Variants in HPD observed in about 807,000 individuals in gnomAD.
HPD encodes the protein 4-hydroxyphenylpyruvate dioxygenase, also known as 4-hydroxyphenylpyruvic acid oxidase.
HPD carries 35 observed loss-of-function variants against 56.9 expected under a neutral mutation model. The observed-to-expected ratio is 0.62, with a 90% confidence interval of 0.47 to 0.82. The LOEUF (loss-of-function observed/expected upper bound fraction) is 0.82. Ranked by LOEUF, HPD falls within the 40% of genes least tolerant of loss-of-function variation. HPD has a pLI of 0.00. For missense variants in HPD, 442 were observed against 506.8 expected (o/e 0.87, Z 1.23); for synonymous variants, 186 against 200.2 (o/e 0.93, Z 0.60).
chr12:121,846,452 G>A (rs915812446), intron 11 of HPD, among the ~76,000 whole-genome samples: 1 of 152,000 alleles, frequency 6.6e-6, no homozygotes, highest in Non-Finnish European at 1.5e-5. Context: ...CCTGACCTCA[G>A]GTGATCCCCC....
the HPD span, among the ~76,000 whole-genome samples, chr12:121,873,280 T>G: frequency 0.016 from 2,429 of 152,284 alleles, 24 homozygotes; most frequent in Non-Finnish European, 0.026. Flanking sequence ...GGCTGTCACC[T>G]CCTATCGGAT....
intron 3 of HPD, 57 bp downstream of exon 3, chr12:121,857,700 T>A: frequency 7.0e-7 from 1 of 1,438,144 alleles, no homozygotes; most frequent in Non-Finnish European, 9.8e-7. Context: ...CCTGCCCTTG[T>A]CAGGCAGCCC....
intron 5 of HPD, 24 bp downstream of exon 5, chr12:121,856,559 G>T: frequency 1.2e-6 from 2 of 1,613,396 alleles, no homozygotes; most frequent in Non-Finnish European, 1.7e-6. Context: ...AGAGCCATGC[G>T]TCCACCCTCC....
the HPD span, among the ~76,000 whole-genome samples, chr12:121,883,389 G>A: frequency 1.4e-4 from 22 of 152,056 alleles, no homozygotes; most frequent in South Asian, 2.1e-3. Flanking sequence ...GTTAAAGTGC[G>A]CAACCTGAGA....
chr12:121,842,867 C>T (rs1006571942), intron 12 of HPD, among the ~76,000 whole-genome samples: 16 of 151,280 alleles, frequency 1.1e-4, no homozygotes, highest in Non-Finnish European at 2.1e-4. Context: ...CCTGCCTCAG[C>T]CTCCTGAGTA....
rs540373489 is a variant in HPD at position 121,839,598 on chromosome 12, G to A, written c.*130C>T. The A allele has an allele frequency of 6.9e-6, 5 of 723,140 alleles. No individual in the cohort carries two copies. Among genetic ancestry groups the A allele is most frequent in the South Asian group, 6.0e-5 (4 of 66,202 alleles). The allele number at this position is 723,140 out of a possible 1,614,324, so 44.8% of individuals were successfully genotyped here. Reference sequence around the variant, plus strand: ...CCCCGCCGAGGGGCGTGGTCAGTGTGGGCGGAGCCTTGGGGGCCGAGTCCG... The same window carrying A: ...CCCCGCCGAGGGGCGTGGTCAGTGTAGGCGGAGCCTTGGGGGCCGAGTCCG... On this transcript the variant is annotated 3_prime_UTR_variant, in exon 14 of 14. Coordinates refer to ENST00000289004, the MANE Select transcript of HPD (RefSeq NM_002150.3).
chr12:121,885,828 G>T, the HPD span, among the ~76,000 whole-genome samples: 1 of 151,730 alleles, frequency 6.6e-6, no homozygotes, highest in Admixed American at 6.6e-5. Context: ...AGCCGAGCAT[G>T]GTGGCATACG....
At position 121,840,045 on chromosome 12, in the gene HPD, G is replaced by T; in HGVS notation, c.958C>A (p.Leu320Met). The change falls in exon 13 of 14, where the codon CTG becomes ATG. Residue 320 changes from leucine (L) to methionine (M), a missense_variant. Physicochemically the swap from Leu to Met is conservative, Grantham distance 15. Transcript: ENST00000289004. The part of the protein sequence containing the change: ...VKENIDALEE[L>M]KILVDYDEKG... ...TCGTCGTAGTCCACCAGGATTTTCA[G>T]CTCCTAGGCGGGAGACAGGGGGCTC... 1 of 1,608,888 alleles carries T rather than the reference G, an allele frequency of 6.2e-7. No homozygotes were observed. The highest frequency in any genetic ancestry group is 8.5e-7 in the Non-Finnish European group (1 of 1,175,310).
the HPD span, among the ~76,000 whole-genome samples, chr12:121,878,666 G>A: frequency 2.0e-5 from 3 of 148,520 alleles, no homozygotes; most frequent in Non-Finnish European, 4.5e-5. Flanking sequence ...ATGTGTTTTG[G>A]TTTTTCGTTC....
At chr12:121,848,436 C>G (rs182157904) in intron 9 of HPD, among the ~76,000 whole-genome samples, 2,756 of 151,960 alleles carry the variant, frequency 0.018, 84 homozygotes, top group African/African-American at 0.063. Flanking sequence ...CTCAGCTTCC[C>G]AAGTAGCTGG....
chr12:121,860,185 A>C (rs1878138169), upstream of HPD, among the ~76,000 whole-genome samples: 2 of 152,194 alleles, frequency 1.3e-5, no homozygotes, highest in Admixed American at 1.3e-4. Context: ...TCCAACTGGG[A>C]AAACTTGAGT....
In HPD at chr12:121,839,988, G is replaced by C; in HGVS notation, c.1015C>G (p.Pro339Ala). 6.2e-7 allele frequency: 1 copy of C among 1,613,998 alleles called. No individual in the cohort carries two copies. The highest frequency in any genetic ancestry group is 8.5e-7 in the Non-Finnish European group (1 of 1,179,972). ...AAGAGCGTGGGCCGGTCCTGCACCGGTTTGGTGAAGATCTGCAGGAGGTAG... is the reference window on the plus strand; with the variant it reads ...AAGAGCGTGGGCCGGTCCTGCACCGCTTTGGTGAAGATCTGCAGGAGGTAG... ...KGYLLQIFTKPVQDRPTLFLE... is the reference protein window; with the variant it reads ...KGYLLQIFTKAVQDRPTLFLE... Residue 339 changes from proline to alanine, a missense_variant, in exon 13 of 14, where the codon CCG becomes GCG. Physicochemically the swap from Pro to Ala is conservative, Grantham distance 27. Transcript: ENST00000289004.
At chr12:121,844,640 T>C (rs1044368398) in intron 11 of HPD, among the ~76,000 whole-genome samples, 10 of 151,662 alleles carry the variant, frequency 6.6e-5, no homozygotes, top group Non-Finnish European at 1.3e-4. Flanking sequence ...TCCCAGCACA[T>C]TGGGAGGCCA....
upstream of HPD, among the ~76,000 whole-genome samples, chr12:121,868,513 CTTTTTTCTTTT>C (rs1565882651): frequency 1.1e-4 from 15 of 135,206 alleles, 1 homozygote; most frequent in Admixed American, 1.5e-4. Flanking sequence ...CTATTTCTTT[CTTTTTTCTTTT>C]TTTTTTTTTT....
In HPD at chr12:121,857,420, A is replaced by G. The variant is rs1489416991; in HGVS notation, c.106T>C (p.Tyr36His). The G allele has an allele frequency of 8.1e-6, 13 of 1,612,634 alleles. No individual in the cohort carries two copies. The highest frequency in any genetic ancestry group is 1.0e-5 in the Non-Finnish European group (12 of 1,178,586). Residue 36 changes from tyrosine to histidine, a missense_variant, in exon 4 of 14, where the codon TAC becomes CAC. Physicochemically the swap from Tyr to His is moderately conservative, Grantham distance 83 (BLOSUM62 2). Coordinates refer to ENST00000289004, the MANE Select transcript of HPD (RefSeq NM_002150.3). ...VGNAKQATSF[Y>H]CSKMGFEPLA... ...GGTTCAAAGCCCATCTTGCTGCAGTAGAATGACGTGGCCTGAATCACAGGG... is the reference window on the plus strand; with the variant it reads ...GGTTCAAAGCCCATCTTGCTGCAGTGGAATGACGTGGCCTGAATCACAGGG...
chr12:121,848,338 GTCTC>G (rs1170723518), intron 9 of HPD, among the ~76,000 whole-genome samples: 1 of 151,924 alleles, frequency 6.6e-6, no homozygotes, highest in African/African-American at 2.4e-5. Flanking sequence ...TTGAGACAAA[GTCTC>G]TCTCTCTCAC....
chr12:121,853,148 G>A (rs1459987530), intron 7 of HPD, among the ~76,000 whole-genome samples: 1 of 152,114 alleles, frequency 6.6e-6, no homozygotes, highest in Non-Finnish European at 1.5e-5. Context: ...ACACATCACG[G>A]GGAACAACAG....
At position 121,854,790 on chromosome 12, in the gene HPD, T is replaced by C. The variant is rs1207173454; in HGVS notation, c.327A>G (p.Lys109=). ...TGATTTTGGCGCCCCGTTCCCGTGC[T>C]TTCTGCAGAGAAGATGGGATCGGGG... The part of the protein sequence containing the change: ...EVEDCDYIVQ[K]ARERGAKIMR... Residue 109 remains lysine (K), a splice_region_variant and synonymous_variant, in exon 7 of 14, where the codon AAA becomes AAG. Transcript: ENST00000289004. The C allele has an allele frequency of 6.2e-7, 1 of 1,613,314 alleles. No homozygotes were observed. The highest frequency in any genetic ancestry group is 8.5e-7 in the Non-Finnish European group (1 of 1,179,270).
intron 7 of HPD, among the ~76,000 whole-genome samples, chr12:121,850,552 C>A (rs1257621556): frequency 6.8e-6 from 1 of 147,450 alleles, no homozygotes; most frequent in Non-Finnish European, 1.5e-5. Context: ...CGGCTTACTG[C>A]AACCTCCATC....
Sources: gnomAD v4.1 joint callset for allele counts (sites outside exome capture counted in the v4.1 genomes callset) on GRCh38, gnomAD v4.1.1 for gene constraint, MANE v1.5 for transcripts, NCBI Gene and HGNC (gene_info 2026-07-23, HGNC 2026-07-21) for gene names.